The following RAB10 variants were observed in gnomAD, a reference collection of about 807,000 sequenced individuals.
RAB10 encodes ras-related protein Rab-10.
A neutral mutation model predicts 25.7 loss-of-function variants in RAB10; 5 were observed. The ratio of observed to expected loss-of-function variants is 0.19; its 90% confidence interval spans 0.10 to 0.41. The LOEUF (loss-of-function observed/expected upper bound fraction) is 0.41, where lower values mean the gene tolerates loss of function less well. Ranked by LOEUF, RAB10 falls within the 10% of genes least tolerant of loss-of-function variation. The pLI is 1.00. For synonymous variants in RAB10, 89 were observed against 86.4 expected (o/e 1.03, Z -0.16); for missense variants, 103 against 245.8 (o/e 0.42, Z 3.89).
chr2:26,094,438 G>T (rs568029242), intron 1 of RAB10, among the ~76,000 whole-genome samples: 27 of 151,900 alleles, frequency 1.8e-4, no homozygotes, highest in African/African-American at 6.3e-4. Context: ...TTTTAGTAGA[G>T]ATGGGGTTTC....
intron 3 of RAB10, among the ~76,000 whole-genome samples, chr2:26,119,712 T>TCTTA (rs1667763244): frequency 6.6e-6 from 1 of 152,146 alleles, no homozygotes; most frequent in Non-Finnish European, 1.5e-5. Context: ...GGTGATGGGG[T>TCTTA]CTTACTGTGT....
At chr2:26,054,363 T>C (rs1320894899) in intron 1 of RAB10, among the ~76,000 whole-genome samples, 1 of 152,102 alleles carries the variant, frequency 6.6e-6, no homozygotes, top group Non-Finnish European at 1.5e-5. Context: ...CTAATGTTTG[T>C]ATTTTTAGTA....
intron 1 of RAB10, among the ~76,000 whole-genome samples, chr2:26,051,186 C>T (rs1391674187): frequency 6.6e-6 from 1 of 152,156 alleles, no homozygotes; most frequent in Non-Finnish European, 1.5e-5. Context: ...ATCCTCCTAC[C>T]TTGGCCTCCC....
At chr2:26,076,841 G>T (rs1328423173) in intron 1 of RAB10, among the ~76,000 whole-genome samples, 2 of 151,852 alleles carry the variant, frequency 1.3e-5, no homozygotes, top group African/African-American at 4.8e-5. Context: ...CTACTCGGGA[G>T]GCTGAGGCAG....
At chr2:26,034,767 C>G in intron 1 of RAB10, 32 bp downstream of exon 1, 1 of 1,612,976 alleles carries the variant, frequency 6.2e-7, no homozygotes, top group Non-Finnish European at 8.5e-7. Flanking sequence ...TGTACGGTCT[C>G]GGTAGCTGCA....
chr2:26,132,865 C>T (rs983980061), intron 5 of RAB10, among the ~76,000 whole-genome samples: 1 of 148,330 alleles, frequency 6.7e-6, no homozygotes, highest in Non-Finnish European at 1.5e-5. Context: ...TAACCTGACT[C>T]ATACCTGGAA....
At chr2:26,063,425 ATG>A (rs781223599) in intron 1 of RAB10, among the ~76,000 whole-genome samples, 1,135 of 79,018 alleles carry the variant, frequency 0.014, 11 homozygotes, top group Non-Finnish European at 0.024. Context: ...CACATTCTTT[ATG>A]TGATTTTTTT....
In RAB10 at chr2:26,050,064, G is replaced by T. The variant is rs147235794; in HGVS notation, c.127+15329G>T. ...TTAATGCCTTGGGAATTTCCTAAGGGTCTCTCCTGTATGCGATACCCTGTT... is the reference window on the plus strand; with the variant it reads ...TTAATGCCTTGGGAATTTCCTAAGGTTCTCTCCTGTATGCGATACCCTGTT... On this transcript the variant is annotated intron_variant, in intron 1 of 5. Transcript: ENST00000264710. 3.4e-3 allele frequency among the ~76,000 whole-genome samples: 523 copies of T among 152,246 alleles called. 4 individuals are homozygous for T. Among genetic ancestry groups the T allele is most frequent in the African/African-American group, 8.7e-3 (363 of 41,538 alleles).
At chr2:26,048,761 G>A (rs777994906) in intron 1 of RAB10, among the ~76,000 whole-genome samples, 5 of 152,186 alleles carry the variant, frequency 3.3e-5, no homozygotes, top group Non-Finnish European at 5.9e-5. Context: ...TGTAGTTTCA[G>A]CTATCTGAGA....
intron 1 of RAB10, among the ~76,000 whole-genome samples, chr2:26,097,871 A>G (rs915025105): frequency 6.6e-6 from 1 of 152,124 alleles, no homozygotes. Flanking sequence ...TTTTTGCTTC[A>G]TGCTAAACAT....
intron 2 of RAB10, among the ~76,000 whole-genome samples, chr2:26,099,343 T>A (rs914693493): frequency 1.3e-5 from 2 of 152,100 alleles, no homozygotes; most frequent in African/African-American, 2.4e-5. Context: ...AGTGTAAAAT[T>A]TGTTAAGTTT....
chr2:26,102,302 T>C (rs1326687738), intron 2 of RAB10, among the ~76,000 whole-genome samples: 1 of 152,214 alleles, frequency 6.6e-6, no homozygotes, highest in Admixed American at 6.5e-5. Context: ...CCTGGAATAA[T>C]GTCTAGTGTG....
intron 2 of RAB10, among the ~76,000 whole-genome samples, chr2:26,104,694 A>G (rs7605107): frequency 0.028 from 4,280 of 150,262 alleles, 206 homozygotes; most frequent in African/African-American, 0.1. Context: ...AAGAGTTTTT[A>G]TAGTTCAGCT....
intron 1 of RAB10, among the ~76,000 whole-genome samples, chr2:26,091,987 C>T (rs1446050310): frequency 6.6e-6 from 1 of 151,994 alleles, no homozygotes; most frequent in African/African-American, 2.4e-5. Flanking sequence ...GCCTGGCCAA[C>T]ATGGTGAAAC....
intron 1 of RAB10, among the ~76,000 whole-genome samples, chr2:26,082,086 G>A (rs1313419910): frequency 6.6e-6 from 1 of 152,030 alleles, no homozygotes; most frequent in Non-Finnish European, 1.5e-5. Flanking sequence ...AAAGATAATT[G>A]TTTACAGTAA....
chr2:26,036,551 C>G (rs1016186232), intron 1 of RAB10, among the ~76,000 whole-genome samples: 4 of 151,918 alleles, frequency 2.6e-5, no homozygotes, highest in South Asian at 4.2e-4. Flanking sequence ...CCCAGCTACT[C>G]AGGAGGCTGA....
At chr2:26,056,110 C>T (rs1007655915) in intron 1 of RAB10, among the ~76,000 whole-genome samples, 6 of 151,758 alleles carry the variant, frequency 4.0e-5, no homozygotes, top group East Asian at 1.9e-4. Flanking sequence ...AGGCTAGTCT[C>T]GAACTCTTGA....
intron 1 of RAB10, among the ~76,000 whole-genome samples, chr2:26,043,773 A>G (rs986346237): frequency 6.6e-6 from 1 of 152,212 alleles, no homozygotes; most frequent in African/African-American, 2.4e-5. Context: ...TAATGATCAC[A>G]GAGTTTTAGT....
intron 1 of RAB10, among the ~76,000 whole-genome samples, chr2:26,066,635 C>T (rs563864635): frequency 2.6e-4 from 39 of 152,190 alleles, no homozygotes; most frequent in Non-Finnish European, 4.6e-4. Flanking sequence ...TGTGAGAACT[C>T]GCTATCATGA....
Sources: gnomAD v4.1 joint callset for allele counts (sites outside exome capture counted in the v4.1 genomes callset) on GRCh38, gnomAD v4.1.1 for gene constraint, MANE v1.5 for transcripts, NCBI Gene and HGNC (gene_info 2026-07-23, HGNC 2026-07-21) for gene names.